The following SYNE2 variants were observed in gnomAD, a reference collection of about 807,000 sequenced individuals.
SYNE2 encodes the protein nesprin-2.
In SYNE2, 431 loss-of-function variants were observed where a neutral mutation model predicts 856.3. That is an observed-to-expected ratio of 0.50 (90% CI 0.47 to 0.55). SYNE2 has a LOEUF of 0.55. Ranked by LOEUF, SYNE2 falls within the 20% of genes least tolerant of loss-of-function variation. The pLI, the probability that SYNE2 is intolerant of heterozygous loss-of-function variation, is 0.00. For missense variants in SYNE2, 8,129 were observed against 8,023.2 expected (o/e 1.01, Z -0.50); for synonymous variants, 2,923 against 2,872.3 (o/e 1.02, Z -0.56).
At chr14:64,022,339 T>C (rs1330912892) in intron 37 of SYNE2, among the ~76,000 whole-genome samples, 1 of 152,152 alleles carries the variant, frequency 6.6e-6, no homozygotes, top group Non-Finnish European at 1.5e-5. Context: ...CCAGGCAGTG[T>C]CTTTGAGTGT....
rs111922441 is a variant in SYNE2, at chr14:64,208,993, C to T, written c.18389+48C>T. 51 of 1,590,894 alleles carry T rather than the reference C, an allele frequency of 3.2e-5. 1 individual carries two copies. The African/African-American group carries it at 3.2e-4, about 10-fold the overall frequency. On this transcript the variant is annotated intron_variant, in intron 101 of 115. Coordinates refer to ENST00000555002, the MANE Select transcript of SYNE2 (RefSeq NM_182914.3). ...TGCCTTCAGCGTGGTCAGCCGAACT[C>T]AATACACCCTTCTGACCTCATTCAC...
intron 1 of SYNE2, among the ~76,000 whole-genome samples, chr14:63,779,754 A>C (rs1225772559): frequency 1.3e-5 from 2 of 152,066 alleles, no homozygotes; most frequent in Admixed American, 6.6e-5. Flanking sequence ...TCTATTGCAA[A>C]TACAAAATTA....
chr14:63,832,277 C>T (rs539531037), intron 1 of SYNE2, among the ~76,000 whole-genome samples: 2 of 151,788 alleles, frequency 1.3e-5, no homozygotes, highest in Admixed American at 6.6e-5. Context: ...TGGGATGGGA[C>T]GATCTCTTGA....
intron 96 of SYNE2, 87 bp from the exon 97 acceptor site, chr14:64,186,337 G>A (rs929858764): frequency 1.9e-6 from 3 of 1,565,268 alleles, no homozygotes; most frequent in Non-Finnish European, 2.6e-6. Context: ...CTCCCCCAGA[G>A]TCTAATCAAA....
At chr14:63,989,148 T>G (rs376489609) in intron 19 of SYNE2, among the ~76,000 whole-genome samples, 1 of 152,324 alleles carries the variant, frequency 6.6e-6, no homozygotes, top group East Asian at 1.9e-4. Flanking sequence ...TTGGCATTTT[T>G]AAAATTGAAT....
At chr14:64,044,607 A>G (rs2097172531) in intron 45 of SYNE2, among the ~76,000 whole-genome samples, 1 of 152,106 alleles carries the variant, frequency 6.6e-6, no homozygotes. Context: ...CTTGAATTGT[A>G]ACTCCCACAA....
At chr14:63,835,157 G>C (rs1178477575) in intron 1 of SYNE2, among the ~76,000 whole-genome samples, 1 of 152,124 alleles carries the variant, frequency 6.6e-6, no homozygotes, top group African/African-American at 2.4e-5. Flanking sequence ...GATAAAACCA[G>C]TTATCATGGA....
In SYNE2 at chr14:63,942,297, T is replaced by C. The variant is rs9323443; in HGVS notation, c.408+154T>C. 0.68 allele frequency among the ~76,000 whole-genome samples: 103,018 copies of C among 152,060 alleles called. 35,149 individuals carry two copies. Among genetic ancestry groups the C allele is most frequent in the South Asian group, 0.76 (3,673 of 4,828 alleles). On this transcript the variant is annotated intron_variant, in intron 6 of 115. Coordinates refer to ENST00000555002, the MANE Select transcript of SYNE2 (RefSeq NM_182914.3). Reference sequence around the variant, plus strand: ...GAAGAGGTAGAAAATAATAGCAGACTTTTTGCCATTTCTGTTATTGGTTTT... The same window carrying C: ...GAAGAGGTAGAAAATAATAGCAGACCTTTTGCCATTTCTGTTATTGGTTTT...
Position 64,210,047 on chromosome 14 carries a change from A to C in SYNE2, c.18646A>C (p.Lys6216Gln), listed in dbSNP as rs777171079. 1.2e-6 allele frequency: 2 copies of C among 1,614,120 alleles called. No individual in the cohort carries two copies. Among genetic ancestry groups the C allele is most frequent in the Non-Finnish European group, 1.7e-6 (2 of 1,180,030 alleles). Reference protein sequence around the residue: ...ENRTDTASRLKQMVHEGNQRW... With the variant: ...ENRTDTASRLQQMVHEGNQRW... ...CCGCACAGACACGGCCAGCAGGCTGAAGCAGATGGTCCACGAGGGCAACCA... is the reference window on the plus strand; with the variant it reads ...CCGCACAGACACGGCCAGCAGGCTGCAGCAGATGGTCCACGAGGGCAACCA... Residue 6216 changes from lysine to glutamine, a missense_variant, in exon 103 of 116, where the codon AAG becomes CAG. Transcript: ENST00000555002.
At chr14:63,917,858 A>T (rs922450790) in intron 2 of SYNE2, among the ~76,000 whole-genome samples, 20 of 146,744 alleles carry the variant, frequency 1.4e-4, no homozygotes, top group Admixed American at 7.5e-4. Context: ...TGTTTTTCAA[A>T]TTTTTTTTTT....
chr14:63,868,155 A>C (rs1234834025), intron 1 of SYNE2, among the ~76,000 whole-genome samples: 1 of 152,256 alleles, frequency 6.6e-6, no homozygotes, highest in Non-Finnish European at 1.5e-5. Context: ...AATGAGATGC[A>C]CAAGGTCTTT....
At chr14:64,144,051 T>A in intron 83 of SYNE2, 103 bp downstream of exon 83, 1 of 1,365,734 alleles carries the variant, frequency 7.3e-7, no homozygotes, top group Non-Finnish European at 1.0e-6. Flanking sequence ...TTATTAAGCC[T>A]AATAATCATC....
rs778964594 is a variant in SYNE2, at chr14:64,113,324, C to T, written c.12610-17C>T. The T allele has an allele frequency of 6.2e-7, 1 of 1,613,288 alleles. No homozygotes were observed. Among genetic ancestry groups the T allele is most frequent in the Non-Finnish European group, 8.5e-7 (1 of 1,179,978 alleles). On this transcript the variant is annotated splice_polypyrimidine_tract_variant and intron_variant, in intron 65 of 115. Transcript: ENST00000555002. ...GAAAACTTTGGACTCCCTGGCTTAT[C>T]TTTGGATTTCTCTTAGGGCACCACA...
intron 99 of SYNE2, among the ~76,000 whole-genome samples, chr14:64,194,164 G>C (rs2098530506): frequency 6.6e-6 from 1 of 152,220 alleles, no homozygotes; most frequent in Non-Finnish European, 1.5e-5. Flanking sequence ...TATGTTTGGT[G>C]ATTGTAACTA....
At chr14:63,957,740 G>A (rs1454768184) in intron 8 of SYNE2, among the ~76,000 whole-genome samples, 1 of 152,080 alleles carries the variant, frequency 6.6e-6, no homozygotes, top group African/African-American at 2.4e-5. Flanking sequence ...GGTGGTGCAT[G>A]CCTGTAATCC....
intron 23 of SYNE2, 50 bp downstream of exon 23, chr14:63,995,252 C>G (rs757631894): frequency 6.6e-7 from 1 of 1,507,482 alleles, no homozygotes; most frequent in Non-Finnish European, 9.1e-7. Flanking sequence ...TGGGGTTTAT[C>G]TTAAATGGTT....
At chr14:63,815,081 C>T (rs895538843) in intron 1 of SYNE2, among the ~76,000 whole-genome samples, 37 of 127,914 alleles carry the variant, frequency 2.9e-4, no homozygotes, top group African/African-American at 9.9e-4. Context: ...TATATATATC[C>T]ATATATATGC....
chr14:64,088,621 A>C (rs2097581822), intron 58 of SYNE2, among the ~76,000 whole-genome samples: 1 of 152,222 alleles, frequency 6.6e-6, no homozygotes, highest in Non-Finnish European at 1.5e-5. Flanking sequence ...AAAGGAATTA[A>C]AAACAAGTGT....
At chr14:64,208,188 G>T in intron 100 of SYNE2, 1 of 455,646 alleles carries the variant, frequency 2.2e-6, no homozygotes, top group South Asian at 1.6e-5. Flanking sequence ...AGTTGGGGAG[G>T]CAAGGTCTGT....
Sources: gnomAD v4.1 joint callset for allele counts (sites outside exome capture counted in the v4.1 genomes callset) on GRCh38, gnomAD v4.1.1 for gene constraint, MANE v1.5 for transcripts, NCBI Gene and HGNC (gene_info 2026-07-23, HGNC 2026-07-21) for gene names.